The following N4BP2L2 variants were observed in gnomAD, a reference collection of about 807,000 sequenced individuals.
The protein encoded by N4BP2L2 is NEDD4 binding protein 2 like 2.
N4BP2L2 carries 50 observed loss-of-function variants against 56.2 expected under a neutral mutation model. That is an observed-to-expected ratio of 0.89 (90% confidence interval 0.71 to 1.13). The LOEUF is 1.13. Ranked by LOEUF, N4BP2L2 falls within the 50% of genes most tolerant of loss-of-function variation. The pLI, the probability that N4BP2L2 is intolerant of heterozygous loss-of-function variation, is 0.00. For missense variants in N4BP2L2, 689 were observed against 693.8 expected (o/e 0.99, Z 0.08); for synonymous variants, 203 against 223.6 (o/e 0.91, Z 0.82).
chr13:32,465,757 G>A (rs1255973916), intron 6 of N4BP2L2, among the ~76,000 whole-genome samples: 2 of 152,100 alleles, frequency 1.3e-5, no homozygotes, highest in African/African-American at 4.8e-5. Context: ...GACTTCAAGC[G>A]ATTCTCCTGC....
intron 6 of N4BP2L2, among the ~76,000 whole-genome samples, chr13:32,448,372 T>C (rs766920872): frequency 3.9e-5 from 6 of 152,008 alleles, no homozygotes; most frequent in African/African-American, 1.2e-4. Context: ...ATGGTACCAT[T>C]AGAAGAAAAA....
chr13:32,472,709 A>C (rs910525570), intron 6 of N4BP2L2, among the ~76,000 whole-genome samples: 1 of 152,226 alleles, frequency 6.6e-6, no homozygotes, highest in Non-Finnish European at 1.5e-5. Context: ...AGCTGAGCCT[A>C]GGTGAGGAAC....
At chr13:32,493,776 T>C (rs571888344) in intron 6 of N4BP2L2, among the ~76,000 whole-genome samples, 1 of 152,366 alleles carries the variant, frequency 6.6e-6, no homozygotes, top group Admixed American at 6.5e-5. Context: ...GTAGCCAGTG[T>C]GGCAACTGAC....
exon 7 of N4BP2L2, chr13:32,442,522 T>C: frequency 6.2e-7 from 1 of 1,613,882 alleles, no homozygotes; most frequent in Non-Finnish European, 8.5e-7. Context: ...CTTAGGTTCT[T>C]CCCATCTTTT....
Position 32,520,302 on chromosome 13 carries a change from A to G in N4BP2L2, c.1550+1071T>C, listed in dbSNP as rs74820560. On this transcript the variant is annotated intron_variant, in intron 5 of 5. Coordinates refer to ENST00000267068, the Ensembl canonical transcript of N4BP2L2. ...AAGGGTACGTGAATTTTATCGCAAT[A>G]AAGTTGTTACCTAAAAACGGGTGGG... is the stretch of plus-strand genomic sequence containing the variant. 1.5e-3 allele frequency among the ~76,000 whole-genome samples: 228 copies of G among 152,172 alleles called. 4 individuals carry two copies. The highest frequency in any genetic ancestry group is 5.2e-3 in the African/African-American group (217 of 41,508).
At chr13:32,512,668 T>C (rs921433542) in exon 6 of N4BP2L2, 1 of 152,242 alleles carries the variant, frequency 6.6e-6, no homozygotes, top group African/African-American at 2.4e-5. Flanking sequence ...CTATTTACTG[T>C]TGAGACTCTC....
At chr13:32,499,341 C>G (rs798265) in intron 6 of N4BP2L2, among the ~76,000 whole-genome samples, 47,916 of 152,046 alleles carry the variant, frequency 0.32, 8,173 homozygotes, top group East Asian at 0.46. Context: ...TCATTTCATC[C>G]CTAGTAACTA....
At chr13:32,458,029 TTTG>T (rs1241512660) in intron 6 of N4BP2L2, among the ~76,000 whole-genome samples, 1 of 151,974 alleles carries the variant, frequency 6.6e-6, no homozygotes, top group African/African-American at 2.4e-5. Context: ...GCTGTATTGA[TTTG>T]TTTTTTGTTT....
chr13:32,470,720 G>A (rs1017177279), intron 6 of N4BP2L2, among the ~76,000 whole-genome samples: 2 of 152,220 alleles, frequency 1.3e-5, no homozygotes, highest in Non-Finnish European at 2.9e-5. Flanking sequence ...ATGGGATGGC[G>A]TAGATATCCA....
chr13:32,468,144 G>C (rs1273805737), intron 6 of N4BP2L2, among the ~76,000 whole-genome samples: 2 of 151,854 alleles, frequency 1.3e-5, no homozygotes, highest in Non-Finnish European at 2.9e-5. Context: ...AGTTACAGGA[G>C]ACAGCAAAGA....
chr13:32,498,772 G>A (rs1287373939), intron 6 of N4BP2L2, among the ~76,000 whole-genome samples: 3 of 150,938 alleles, frequency 2.0e-5, no homozygotes, highest in South Asian at 4.2e-4. Context: ...GGAGGCTAAG[G>A]CAGGTGGATC....
exon 2 of N4BP2L2, chr13:32,537,006 C>G (rs1444776810): frequency 5.1e-6 from 8 of 1,578,404 alleles, no homozygotes; most frequent in Middle Eastern, 1.7e-4. Flanking sequence ...AAGAATTTAC[C>G]TTCAATTTCA....
intron 6 of N4BP2L2, among the ~76,000 whole-genome samples, chr13:32,481,881 C>G (rs1054295467): frequency 1.3e-5 from 2 of 152,142 alleles, no homozygotes; most frequent in African/African-American, 4.8e-5. Context: ...GGGAACTAGA[C>G]GCAAATATTG....
intron 6 of N4BP2L2, chr13:32,477,367 A>T (rs1243607446): frequency 5.3e-6 from 1 of 188,134 alleles, no homozygotes; most frequent in African/African-American, 2.4e-5. Flanking sequence ...TCTGCAATTT[A>T]CCAAACCTGC....
exon 3 of N4BP2L2, chr13:32,527,428 T>C (rs760634794): frequency 5.6e-6 from 9 of 1,613,906 alleles, no homozygotes; most frequent in South Asian, 4.4e-5. Flanking sequence ...GTTCCAGTCA[T>C]GGGCATCACC....
At chr13:32,537,641 T>G (rs1448431735) in intron 1 of N4BP2L2, among the ~76,000 whole-genome samples, 1 of 152,144 alleles carries the variant, frequency 6.6e-6, no homozygotes, top group Non-Finnish European at 1.5e-5. Context: ...ATGGGTATAG[T>G]GTGTTCATTT....
chr13:32,484,027 C>T (rs2085342570), intron 6 of N4BP2L2, among the ~76,000 whole-genome samples: 1 of 150,696 alleles, frequency 6.6e-6, no homozygotes, highest in African/African-American at 2.4e-5. Flanking sequence ...CCAGTCGGGG[C>T]CAGGCCCAGT....
chr13:32,536,099 T>C, exon 2 of N4BP2L2: 1 of 1,614,050 alleles, frequency 6.2e-7, no homozygotes, highest in South Asian at 1.1e-5. Flanking sequence ...TATCTGAGAG[T>C]CATCTTGGGC....
chr13:32,490,374 G>A (rs751408131), intron 6 of N4BP2L2, among the ~76,000 whole-genome samples: 1 of 151,996 alleles, frequency 6.6e-6, no homozygotes, highest in African/African-American at 2.4e-5. Flanking sequence ...GCGCGATCTC[G>A]GCTCACTGCA....
Sources: allele counts gnomAD v4.1 joint callset (sites outside exome capture counted in the v4.1 genomes callset), GRCh38; gene constraint gnomAD v4.1.1; transcripts MANE v1.5; gene names NCBI Gene and HGNC (gene_info 2026-07-23, HGNC 2026-07-21).